NFRKB: variants seen among roughly 807,000 people sequenced by gnomAD.
The protein encoded by NFRKB is nuclear factor related to kappaB binding protein.
Under a neutral mutation model 135.7 loss-of-function variants are expected in NFRKB, and 62 were observed. That is an observed-to-expected ratio of 0.46 (90% CI 0.37 to 0.56). The LOEUF is 0.56. NFRKB is among the 20% of genes least tolerant of loss of function. The probability of loss-of-function intolerance (pLI) is 0.00; values close to 1 mark genes in which losing one functional copy is unlikely to be tolerated. For missense variants in NFRKB, 1,545 were observed against 1,662.0 expected (o/e 0.93, Z 1.22); for synonymous variants, 678 against 635.6 (o/e 1.07, Z -1.00).
At chr11:129,887,435 G>A (rs1016236784) in intron 4 of NFRKB, among the ~76,000 whole-genome samples, 1 of 152,160 alleles carries the variant, frequency 6.6e-6, no homozygotes, top group Non-Finnish European at 1.5e-5. Context: ...TGGAAAACCT[G>A]ATACCATGTG....
chr11:129,866,101 AC>A, intron 24 of NFRKB, 118 bp from the exon 25 acceptor site: 1 of 798,322 alleles, frequency 1.3e-6, no homozygotes, highest in Non-Finnish European at 1.9e-6. Context: ...AGTCCCCAGT[AC>A]CCACCAGGGT....
intron 13 of NFRKB, among the ~76,000 whole-genome samples, chr11:129,878,882 A>C (rs1948898044): frequency 6.6e-6 from 1 of 152,236 alleles, no homozygotes; most frequent in South Asian, 2.1e-4. Flanking sequence ...AAATCAATTC[A>C]AAAAGTGGTA....
At position 129,873,805 on chromosome 11, in the gene NFRKB, C is replaced by G. The variant is rs1055842105; in HGVS notation, c.2490G>C (p.Met830Ile). ...GAACCCGGATCTGCGGTCCTGCTGG[C>G]ATCTGTGGCAATGTCTGTGCCGGCC... is the stretch of plus-strand genomic sequence containing the variant. ...SGGPAQTLPQ[M>I]PAGPQIRVPA... Residue 830 changes from methionine (M) to isoleucine (I), a missense_variant, in exon 22 of 27, where the codon ATG becomes ATC. This residue lies in a region of NFRKB where 753 missense variants were observed against 804.3 expected (regional missense o/e 0.94). Transcript: ENST00000682444. 1 of 1,614,086 alleles carries G rather than the reference C, an allele frequency of 6.2e-7. No homozygotes were observed. The highest frequency in any genetic ancestry group is 8.5e-7 in the Non-Finnish European group (1 of 1,180,038).
At chr11:129,875,172 T>TA (rs762615139) in intron 18 of NFRKB, among the ~76,000 whole-genome samples, 185 bp downstream of exon 18, 5 of 152,230 alleles carry the variant, frequency 3.3e-5, no homozygotes, top group Non-Finnish European at 7.3e-5. Context: ...TATCATAAGC[T>TA]AAAAGAAAGC....
chr11:129,892,214 C>G (rs551764356), intron 3 of NFRKB, among the ~76,000 whole-genome samples: 3 of 152,310 alleles, frequency 2.0e-5, no homozygotes, highest in East Asian at 3.9e-4. Context: ...CGACTCCCAT[C>G]CTTCCCCCCA....
chr11:129,880,689 A>T (rs1948985443), intron 13 of NFRKB, among the ~76,000 whole-genome samples: 1 of 152,192 alleles, frequency 6.6e-6, no homozygotes, highest in Non-Finnish European at 1.5e-5. Flanking sequence ...ATTAAATCTA[A>T]GTAAGTATTT....
chr11:129,877,304 C>A (rs775396230), intron 16 of NFRKB, 21 bp downstream of exon 16: 2 of 1,613,504 alleles, frequency 1.2e-6, no homozygotes, highest in Non-Finnish European at 1.7e-6. Flanking sequence ...CAGAGACTTA[C>A]ACTGGCTTTT....
intron 1 of NFRKB, among the ~76,000 whole-genome samples, chr11:129,895,151 T>C (rs938299734): frequency 6.6e-6 from 1 of 152,174 alleles, no homozygotes; most frequent in Non-Finnish European, 1.5e-5. Context: ...CTGGTCTAAC[T>C]TTCCCCGCTG....
At chr11:129,886,212 T>C in intron 5 of NFRKB, 105 bp downstream of exon 5, 1 of 1,352,640 alleles carries the variant, frequency 7.4e-7, no homozygotes, top group Admixed American at 2.2e-5. Context: ...ATTGGTAGCA[T>C]TTTTTTCTTC....
In NFRKB at chr11:129,882,437, T is replaced by C; in HGVS notation, c.1082+14A>G. 6.2e-7 allele frequency: 1 copy of C among 1,611,488 alleles called. No homozygotes were observed. The highest frequency in any genetic ancestry group is 8.5e-7 in the Non-Finnish European group (1 of 1,179,008). Reference sequence around the variant, plus strand: ...TTCACCCTGAGAATTACAGAATCTCTGTTGCTCACTTACTCTTCCTTGATA... The same window carrying C: ...TTCACCCTGAGAATTACAGAATCTCCGTTGCTCACTTACTCTTCCTTGATA... On this transcript the variant is annotated intron_variant, in intron 10 of 26. Transcript: ENST00000682444.
intron 13 of NFRKB, 78 bp from the exon 14 acceptor site, chr11:129,878,621 G>T: frequency 8.7e-7 from 1 of 1,146,098 alleles, no homozygotes; most frequent in Non-Finnish European, 1.3e-6. Context: ...TTTACTAGCT[G>T]TAACTACAAC....
chr11:129,890,176 ACC>A (rs1421909668), intron 3 of NFRKB, among the ~76,000 whole-genome samples: 3 of 151,608 alleles, frequency 2.0e-5, no homozygotes, highest in Non-Finnish European at 4.4e-5. Context: ...GACAATGGAG[ACC>A]CACTAAAGGG....
At chr11:129,867,005 G>C (rs149141340) in intron 24 of NFRKB, among the ~76,000 whole-genome samples, 1 of 152,298 alleles carries the variant, frequency 6.6e-6, no homozygotes, top group East Asian at 1.9e-4. Flanking sequence ...GGTACCTCCA[G>C]ATACATTTAC....
chr11:129,875,379 G>C lies in NFRKB; in HGVS notation c.1832C>G (p.Ala611Gly), dbSNP rs763031018. ...CELLKDSQFL[A>G]PDVTSTQVNT... ...TACCTGAGTGCTGGTGACATCTGGT[G>C]CAAGAAACTGGGAGTCCTTAAGCAG... The change falls in exon 18 of 27, where the codon GCA becomes GGA. Residue 611 changes from alanine (A) to glycine (G), a missense_variant. Around this residue, in one of 3 missense-constraint regions of NFRKB, gnomAD observed 114 missense variants for 211.0 expected, o/e 0.54. Transcript: ENST00000682444. 10 of 1,613,048 alleles carry C rather than the reference G, an allele frequency of 6.2e-6. No individual in the cohort carries two copies. In the African/African-American group the frequency reaches 1.3e-4, roughly 22 times the overall value.
At chr11:129,875,601 C>A in intron 17 of NFRKB, 138 bp from the exon 18 acceptor site, 3 of 583,734 alleles carry the variant, frequency 5.1e-6, no homozygotes, top group Non-Finnish European at 9.1e-6. Context: ...ATTAGGTGCA[C>A]TCTGCCCTCC....
chr11:129,887,049 A>C (rs540042498), intron 4 of NFRKB, among the ~76,000 whole-genome samples: 25 of 152,314 alleles, frequency 1.6e-4, no homozygotes, highest in Non-Finnish European at 3.1e-4. Flanking sequence ...GCAGCTGTCA[A>C]GTTGTCAAGT....
chr11:129,891,490 G>A (rs976227064), intron 3 of NFRKB, among the ~76,000 whole-genome samples: 9 of 152,178 alleles, frequency 5.9e-5, no homozygotes, highest in African/African-American at 1.9e-4. Context: ...GGGATGAGGG[G>A]AAGCCATGGG....
intron 15 of NFRKB, among the ~76,000 whole-genome samples, chr11:129,877,765 G>A (rs370686531): frequency 1.4e-5 from 2 of 143,510 alleles, no homozygotes; most frequent in East Asian, 2.0e-4. Flanking sequence ...GAAAGTACCC[G>A]GGGCTTGAGA....
chr11:129,879,754 C>G (rs1948941742), intron 13 of NFRKB, among the ~76,000 whole-genome samples: 2 of 152,320 alleles, frequency 1.3e-5, no homozygotes, highest in African/African-American at 4.8e-5. Flanking sequence ...GTGCTTCCTC[C>G]TCAGGTAACA....
Sources: allele counts gnomAD v4.1 joint callset (sites outside exome capture counted in the v4.1 genomes callset), GRCh38; gene constraint gnomAD v4.1.1; regional missense constraint gnomAD v4.1.1; transcripts MANE v1.5; gene names NCBI Gene and HGNC (gene_info 2026-07-23, HGNC 2026-07-21).